The following LYG1 variants were observed in gnomAD, a reference collection of about 807,000 sequenced individuals.
The protein encoded by LYG1 is lysozyme g1, also known as lysozyme g-like protein 1.
In LYG1, 17 loss-of-function variants were observed where a neutral mutation model predicts 21.7. The observed-to-expected ratio is 0.78, with a 90% CI of 0.54 to 1.18. The LOEUF (loss-of-function observed/expected upper bound fraction) is 1.18. Ranked by LOEUF, LYG1 falls within the 50% of genes most tolerant of loss-of-function variation. LYG1 has a pLI of 0.00. For missense variants in LYG1, 211 were observed against 238.1 expected (o/e 0.89, Z 0.75); for synonymous variants, 81 against 87.4 (o/e 0.93, Z 0.41).
intron 3 of LYG1, among the ~76,000 whole-genome samples, chr2:99,292,985 CTTTTTTTTTTTT>C (rs70940159): frequency 4.8e-5 from 4 of 83,164 alleles, no homozygotes; most frequent in African/African-American, 1.5e-4. Context: ...CCTCATCTTA[CTTTTTTTTTTTT>C]TTTTTTTTTT....
At chr2:99,304,361 T>C (rs1250120870), upstream of LYG1, among the ~76,000 whole-genome samples, 1 of 152,228 alleles carries the variant, frequency 6.6e-6, no homozygotes, top group African/African-American at 2.4e-5. Flanking sequence ...GAGACATGCC[T>C]TTCACCTTCC....
chr2:99,302,871 A>G (rs961846419), upstream of LYG1, among the ~76,000 whole-genome samples: 1 of 152,106 alleles, frequency 6.6e-6, no homozygotes, highest in African/African-American at 2.4e-5. Flanking sequence ...TACAAAAATT[A>G]TCCAGGCATG....
At chr2:99,286,458 C>T (rs548327928) in intron 5 of LYG1, among the ~76,000 whole-genome samples, 15 of 152,294 alleles carry the variant, frequency 9.8e-5, no homozygotes, top group African/African-American at 3.6e-4. Flanking sequence ...GTAATCCCAG[C>T]ACTATGGGAG....
chr2:99,299,302 A>T (rs1490433083), intron 1 of LYG1, among the ~76,000 whole-genome samples: 8 of 112,402 alleles, frequency 7.1e-5, no homozygotes, highest in East Asian at 2.6e-4. Flanking sequence ...TTTTTTTTTA[A>T]TCGAGACAAG....
upstream of LYG1, among the ~76,000 whole-genome samples, chr2:99,301,513 G>GAA: frequency 7.3e-6 from 1 of 136,220 alleles, no homozygotes; most frequent in African/African-American, 2.7e-5. Flanking sequence ...AGGAAGGAAG[G>GAA]GAGGGAGGGA....
Position 99,291,332 on chromosome 2 carries a change from A to G in LYG1, c.238T>C (p.Cys80Arg). ...CCAGCGATCACGGCAGGATCCATGC[A>G]GTACTTTTGGCCAATGGTTTGCATC... is the stretch of plus-strand genomic sequence containing the variant. The part of the protein sequence containing the change: ...PMMQTIGQKY[C>R]MDPAVIAGVL... The change falls in exon 5 of 7, where the codon TGC becomes CGC. Residue 80 changes from cysteine (C) to arginine (R), a missense_variant. Cys to Arg is a radical substitution (Grantham distance 180). Coordinates refer to ENST00000308528, the MANE Select transcript of LYG1 (RefSeq NM_174898.3). 1 of 1,613,564 alleles carries G rather than the reference A, an allele frequency of 6.2e-7. No homozygotes were observed. The highest frequency in any genetic ancestry group is 8.5e-7 in the Non-Finnish European group (1 of 1,179,646).
In LYG1 at chr2:99,300,457, G is replaced by A. The variant is rs545240281; in HGVS notation, c.-124+593C>T. ...TTTCCTTCTGCACAGAGCAAATCAG[G>A]GAGACTTGGCCCCTCTGTTCCGTCT... On this transcript the variant is annotated intron_variant, in intron 1 of 6. Coordinates refer to ENST00000308528, the MANE Select transcript of LYG1 (RefSeq NM_174898.3). Among the ~76,000 whole-genome samples, 472 of 152,098 alleles carry A rather than the reference G, an allele frequency of 3.1e-3. 3 individuals carry two copies. Among genetic ancestry groups the A allele is most frequent in the African/African-American group, 0.011 (438 of 41,386 alleles).
intron 3 of LYG1, among the ~76,000 whole-genome samples, chr2:99,294,364 C>A (rs2094130048): frequency 6.6e-6 from 1 of 152,132 alleles, no homozygotes; most frequent in Admixed American, 6.5e-5. Context: ...GTTCTACTTT[C>A]TTAGAACTTT....
At position 99,284,732 on chromosome 2, in the gene LYG1, ATTTC is replaced by A; in HGVS notation, c.418_421del (p.Glu140SerfsTer14). ...GGTCCAGGTTGGAAACCTCCTCTGG[ATTTC>A]TTTGATTCTAGTAGTCAGAACTTCA... On this transcript the variant is annotated frameshift_variant, in exon 6 of 7. Coordinates refer to ENST00000308528, the MANE Select transcript of LYG1 (RefSeq NM_174898.3). LOFTEE classifies it high-confidence loss of function. 1 of 1,614,086 alleles carries A rather than the reference ATTTC, an allele frequency of 6.2e-7. No homozygotes were observed. Among genetic ancestry groups the A allele is most frequent in the Non-Finnish European group, 8.5e-7 (1 of 1,180,018 alleles).
At chr2:99,284,849 A>G in intron 5 of LYG1, 29 bp from the exon 6 acceptor site, 1 of 1,609,616 alleles carries the variant, frequency 6.2e-7, no homozygotes, top group Non-Finnish European at 8.5e-7. Context: ...AGAAGAAGCC[A>G]CGTAAGCTGG....
At chr2:99,292,446 C>T (rs1435041038) in intron 4 of LYG1, 90 bp downstream of exon 4, 5 of 960,688 alleles carry the variant, frequency 5.2e-6, no homozygotes, top group Admixed American at 1.9e-5. Flanking sequence ...GGACCCCATA[C>T]CCGGAACTCT....
intron 3 of LYG1, among the ~76,000 whole-genome samples, chr2:99,294,327 T>A (rs959457132): frequency 1.3e-5 from 2 of 152,248 alleles, no homozygotes; most frequent in Non-Finnish European, 2.9e-5. Context: ...ATATGTGTCC[T>A]GTGTGTTTAC....
In LYG1 at chr2:99,285,585, T is replaced by G. The variant is rs538615157; in HGVS notation, c.334-765A>C. On this transcript the variant is annotated intron_variant, in intron 5 of 6. Coordinates refer to ENST00000308528, the MANE Select transcript of LYG1 (RefSeq NM_174898.3). Reference sequence around the variant, plus strand: ...TGCTAGCATGCACAACAATAGCGCATGTGCATCCCGGAGACCCTGAAACAT... The same window carrying G: ...TGCTAGCATGCACAACAATAGCGCAGGTGCATCCCGGAGACCCTGAAACAT... Among the ~76,000 whole-genome samples the G allele has an allele frequency of 5.3e-5, 8 of 152,326 alleles. No individual in the cohort carries two copies. In the South Asian group the frequency reaches 1.7e-3, roughly 32 times the overall value.
chr2:99,289,945 AC>A (rs1271460351), intron 5 of LYG1, among the ~76,000 whole-genome samples: 1 of 151,318 alleles, frequency 6.6e-6, no homozygotes, highest in Non-Finnish European at 1.5e-5. Flanking sequence ...TGCAACCTCT[AC>A]CCCCCAGGTT....
At chr2:99,299,762 T>C (rs1335088148) in intron 1 of LYG1, among the ~76,000 whole-genome samples, 1 of 151,832 alleles carries the variant, frequency 6.6e-6, no homozygotes, top group Non-Finnish European at 1.5e-5. Context: ...TTTTAATTTT[T>C]TTAATTTTTG....
chr2:99,286,486 C>T (rs979685011), intron 5 of LYG1, among the ~76,000 whole-genome samples: 1 of 152,040 alleles, frequency 6.6e-6, no homozygotes, highest in South Asian at 2.1e-4. Flanking sequence ...CAGGTGGGCT[C>T]ACCAGGCAGG....
At chr2:99,288,937 C>G (rs1388170268) in intron 5 of LYG1, among the ~76,000 whole-genome samples, 1 of 152,122 alleles carries the variant, frequency 6.6e-6, no homozygotes, top group Non-Finnish European at 1.5e-5. Flanking sequence ...TTTGTCTCCC[C>G]ACCACTGCTT....
rs1335013687 is a variant in LYG1 at position 99,301,055 on chromosome 2, TTCAG to T, written c.-133_-130del. On this transcript the variant is annotated 5_prime_UTR_variant, in exon 1 of 7. Coordinates refer to ENST00000308528, the MANE Select transcript of LYG1 (RefSeq NM_174898.3). ...TGCCTCTGCTTCACACTCACCTGTC[TTCAG>T]TCAGTGCTCCTCCTTAGAGGTGGTG... is the stretch of plus-strand genomic sequence containing the variant. 2.2e-4 allele frequency: 30 copies of T among 134,588 alleles called. No homozygotes were observed. The highest frequency in any genetic ancestry group is 6.3e-5 in the Non-Finnish European group (4 of 63,850). 8.3% of individuals were successfully genotyped at this position (134,588 alleles called of 1,614,324 possible). A position where few individuals can be genotyped will look rare whatever the true frequency, so the allele number is the denominator to read the frequency against.
rs2094114821 is a variant in LYG1 at position 99,290,379 on chromosome 2, C to T, written c.333+858G>A. 2.6e-5 allele frequency among the ~76,000 whole-genome samples: 4 copies of T among 152,174 alleles called. No individual in the cohort carries two copies. In the South Asian group the frequency reaches 6.2e-4, roughly 24 times the overall value. ...TTCCTCACTTGTCAAGGATGGATTA[C>T]GTGTCCCTCACCTCATCTTATCAGA... On this transcript the variant is annotated intron_variant, in intron 5 of 6. Coordinates refer to ENST00000308528, the MANE Select transcript of LYG1 (RefSeq NM_174898.3).
Sources: gnomAD v4.1 joint callset for allele counts (sites outside exome capture counted in the v4.1 genomes callset) on GRCh38, gnomAD v4.1.1 for gene constraint, MANE v1.5 for transcripts, NCBI Gene and HGNC (gene_info 2026-07-23, HGNC 2026-07-21) for gene names.